The following EGFR variants were observed in gnomAD, a reference collection of about 807,000 sequenced individuals.
EGFR encodes avian erythroblastic leukemia viral (v-erb-b) oncogene homolog.
In EGFR, 58 loss-of-function variants were observed where a neutral mutation model predicts 143.0. That is an observed-to-expected ratio of 0.41 (90% CI 0.33 to 0.50). The LOEUF (loss-of-function observed/expected upper bound fraction) is 0.50, where lower values mean the gene tolerates loss of function less well. Ranked by LOEUF, EGFR falls within the 20% of genes least tolerant of loss-of-function variation. EGFR has a pLI of 0.39. For synonymous variants in EGFR, 613 were observed against 594.4 expected (o/e 1.03, Z -0.45); for missense variants, 1,307 against 1,579.0 (o/e 0.83, Z 2.92).
chr7:55,031,471 T>C (rs1282417331), intron 1 of EGFR, among the ~76,000 whole-genome samples: 6 of 152,034 alleles, frequency 3.9e-5, no homozygotes, highest in Non-Finnish European at 8.8e-5. Context: ...CTTTCCACCT[T>C]TAGAGATTCT....
intron 1 of EGFR, among the ~76,000 whole-genome samples, chr7:55,133,304 A>C (rs970059021): frequency 1.3e-5 from 2 of 152,198 alleles, no homozygotes; most frequent in Non-Finnish European, 2.9e-5. Context: ...TGAGCTGCCC[A>C]GTGAGCCTGC....
At chr7:55,091,213 A>C (rs1322300842) in intron 1 of EGFR, among the ~76,000 whole-genome samples, 1 of 152,266 alleles carries the variant, frequency 6.6e-6, no homozygotes. Flanking sequence ...TCAACTTTGC[A>C]AAATGGGCCT....
intron 1 of EGFR, among the ~76,000 whole-genome samples, chr7:55,063,274 C>T (rs1287864694): frequency 1.3e-5 from 2 of 152,156 alleles, no homozygotes; most frequent in South Asian, 4.1e-4. Flanking sequence ...TTTTCTCTCC[C>T]CCGCATTTCC....
At chr7:55,047,627 G>A (rs529444713) in intron 1 of EGFR, among the ~76,000 whole-genome samples, 75 of 152,202 alleles carry the variant, frequency 4.9e-4, no homozygotes, top group Admixed American at 2.0e-3. Context: ...GGCGCATGCC[G>A]GTAATCCCAG....
intron 17 of EGFR, 31 bp from the exon 18 acceptor site, chr7:55,173,890 A>C (rs1584224237): frequency 6.2e-7 from 1 of 1,614,002 alleles, no homozygotes; most frequent in Non-Finnish European, 8.5e-7. Flanking sequence ...GGCTGAGGTG[A>C]CCCTTGTCTC....
intron 1 of EGFR, among the ~76,000 whole-genome samples, chr7:55,059,225 C>A (rs1287694716): frequency 6.6e-6 from 1 of 152,214 alleles, no homozygotes; most frequent in Non-Finnish European, 1.5e-5. Context: ...TCCTTGGCAC[C>A]AGCTGGTATT....
chr7:55,190,155 A>T (rs1787324796), intron 20 of EGFR, among the ~76,000 whole-genome samples: 1 of 152,006 alleles, frequency 6.6e-6, no homozygotes. Context: ...TCCACCCACC[A>T]TCCTGACATA....
At chr7:55,100,370 C>T (rs7800174) in intron 1 of EGFR, among the ~76,000 whole-genome samples, 18,417 of 152,262 alleles carry the variant, frequency 0.12, 1,269 homozygotes, top group Middle Eastern at 0.18. Flanking sequence ...GCCATCTCTG[C>T]CCCAGCAGAT....
chr7:55,086,354 C>T (rs1429158130), intron 1 of EGFR, among the ~76,000 whole-genome samples: 2 of 151,906 alleles, frequency 1.3e-5, no homozygotes, highest in East Asian at 1.9e-4. Flanking sequence ...GGTTATTTTG[C>T]TCCCTTTCCC....
In EGFR at chr7:55,162,747, T is replaced by G. The variant is rs10266005; in HGVS notation, c.1632-986T>G. Among the ~76,000 whole-genome samples the G allele has an allele frequency of 7.6e-3, 1,151 of 152,336 alleles. 16 individuals are homozygous for G. The highest frequency in any genetic ancestry group is 0.027 in the African/African-American group (1,129 of 41,568). On this transcript the variant is annotated intron_variant, in intron 13 of 27. Transcript: ENST00000275493. Reference sequence around the variant, plus strand: ...GAAGACACAACCCTGTATCACATTTTGTTTAATGGTGCCATTGACCAAAGG... The same window carrying G: ...GAAGACACAACCCTGTATCACATTTGGTTTAATGGTGCCATTGACCAAAGG...
chr7:55,040,605 A>C (rs1436808144), intron 1 of EGFR, among the ~76,000 whole-genome samples: 1 of 152,194 alleles, frequency 6.6e-6, no homozygotes, highest in East Asian at 1.9e-4. Flanking sequence ...TTGGGTTATG[A>C]AATGACTGGG....
chr7:55,071,410 AT>A (rs1356089593), intron 1 of EGFR, among the ~76,000 whole-genome samples: 1 of 152,176 alleles, frequency 6.6e-6, no homozygotes, highest in East Asian at 1.9e-4. Flanking sequence ...TTTTTTCATT[AT>A]TCGGAACCTT....
chr7:55,100,479 C>T (rs754197187), intron 1 of EGFR, among the ~76,000 whole-genome samples: 18 of 152,186 alleles, frequency 1.2e-4, no homozygotes, highest in Non-Finnish European at 2.6e-4. Context: ...GGGAGGCCCT[C>T]GAGGGAGAAA....
At chr7:55,071,006 G>A (rs1789790106) in intron 1 of EGFR, among the ~76,000 whole-genome samples, 1 of 152,250 alleles carries the variant, frequency 6.6e-6, no homozygotes. Context: ...CTCAGAGCAG[G>A]TAAGGCCTGT....
At chr7:55,036,277 G>GT (rs1787572721) in intron 1 of EGFR, among the ~76,000 whole-genome samples, 1 of 93,718 alleles carries the variant, frequency 1.1e-5, no homozygotes, top group African/African-American at 3.8e-5. Context: ...TGTGTGGGGG[G>GT]GGGGGGGTGG....
chr7:55,097,549 G>A (rs1182398784), intron 1 of EGFR, among the ~76,000 whole-genome samples: 5 of 152,176 alleles, frequency 3.3e-5, no homozygotes, highest in Non-Finnish European at 7.3e-5. Flanking sequence ...ACAGTGCACT[G>A]GCAGTGTCTA....
At chr7:55,063,637 C>T (rs538027771) in intron 1 of EGFR, among the ~76,000 whole-genome samples, 1 of 152,314 alleles carries the variant, frequency 6.6e-6, no homozygotes, top group South Asian at 2.1e-4. Context: ...CAACAGACAA[C>T]ACACAGCATC....
chr7:55,146,880 T>A, intron 4 of EGFR, 140 bp downstream of exon 4: 2 of 1,260,300 alleles, frequency 1.6e-6, no homozygotes, highest in Non-Finnish European at 2.2e-6. Context: ...ATCTGACCAC[T>A]AGAAAAGCAT....
intron 20 of EGFR, 164 bp downstream of exon 20, chr7:55,181,642 G>C (rs188168903): frequency 1.8e-5 from 15 of 841,248 alleles, no homozygotes; most frequent in South Asian, 3.2e-5. Context: ...TGATCTTCTT[G>C]TGCACAAATC....
Sources: allele counts gnomAD v4.1 joint callset (sites outside exome capture counted in the v4.1 genomes callset), GRCh38; gene constraint gnomAD v4.1.1; transcripts MANE v1.5; gene names NCBI Gene and HGNC (gene_info 2026-07-23, HGNC 2026-07-21).